Variants in TMEM108 observed in about 807,000 individuals in gnomAD.
TMEM108 encodes the protein transmembrane protein 108.
In TMEM108, 12 loss-of-function variants were observed where a neutral mutation model predicts 35.1. The observed-to-expected ratio is 0.34, with a 90% confidence interval of 0.22 to 0.55. TMEM108 has a LOEUF of 0.55. Among genes scored for constraint, TMEM108 ranks in the 20% least tolerant of loss-of-function variants. The pLI, the probability that TMEM108 is intolerant of heterozygous loss-of-function variation, is 0.89. For missense variants in TMEM108, 680 were observed against 753.3 expected (o/e 0.90, Z 1.14); for synonymous variants, 287 against 308.6 (o/e 0.93, Z 0.73).
chr3:133,386,389 C>T (rs2073150141), intron 4 of TMEM108: 1 of 1,535,884 alleles, frequency 6.5e-7, no homozygotes, highest in Non-Finnish European at 8.7e-7. Context: ...CCTCAGGGGA[C>T]CTGCAGGGTT....
chr3:133,121,479 A>G (rs1374806274), intron 2 of TMEM108, among the ~76,000 whole-genome samples: 2 of 152,214 alleles, frequency 1.3e-5, no homozygotes, highest in African/African-American at 4.8e-5. Context: ...TGCTATAGCT[A>G]AAAGGGAAAA....
At chr3:133,366,903 A>G (rs1022940077) in intron 3 of TMEM108, among the ~76,000 whole-genome samples, 3 of 152,228 alleles carry the variant, frequency 2.0e-5, no homozygotes, top group African/African-American at 7.2e-5. Context: ...GCAGCCAGCA[A>G]ATGAGACATC....
intron 4 of TMEM108, chr3:133,389,541 A>G: frequency 3.5e-6 from 1 of 281,884 alleles, no homozygotes; most frequent in Non-Finnish European, 5.4e-6. Flanking sequence ...AAAATTAGCC[A>G]GACATGGTGG....
chr3:133,230,455 T>A (rs80286353), intron 3 of TMEM108, among the ~76,000 whole-genome samples: 4,416 of 152,308 alleles, frequency 0.029, 195 homozygotes, highest in African/African-American at 0.095. Flanking sequence ...TCCTTTTCCA[T>A]GTGTTCTATG....
At position 133,380,011 on chromosome 3, in the gene TMEM108, C is replaced by A; in HGVS notation, c.300C>A (p.Ile100=). The A allele has an allele frequency of 6.2e-7, 1 of 1,614,008 alleles. No homozygotes were observed. Among genetic ancestry groups the A allele is most frequent in the Non-Finnish European group, 8.5e-7 (1 of 1,179,990 alleles). The part of the protein sequence containing the change: ...GHPPTHTIST[I]AATVTAPHSE... The stretch of plus-strand genomic sequence containing the variant: ...CTCCTACGCACACCATCTCCACCAT[C>A]GCTGCGACAGTAACCGCCCCCCATT... Residue 100 remains isoleucine (I), a synonymous_variant, in exon 4 of 6, where the codon ATC becomes ATA. Coordinates refer to ENST00000321871, the MANE Select transcript of TMEM108 (RefSeq NM_023943.4). This position sits in a 1 kb window ranked among gnomAD's most constrained non-coding sequence, Gnocchi z 5.3.
intron 3 of TMEM108, among the ~76,000 whole-genome samples, chr3:133,348,252 T>G (rs2071882003): frequency 6.6e-6 from 1 of 152,136 alleles, no homozygotes; most frequent in African/African-American, 2.4e-5. Context: ...ATAACAGTTT[T>G]ATTATATTTT....
intron 2 of TMEM108, among the ~76,000 whole-genome samples, chr3:133,171,884 A>G (rs779530767): frequency 3.3e-5 from 5 of 152,222 alleles, no homozygotes; most frequent in Non-Finnish European, 7.3e-5. Context: ...TAGAGAATCA[A>G]GAAGTACCAG....
intron 2 of TMEM108, among the ~76,000 whole-genome samples, chr3:133,201,396 C>T (rs1442136851): frequency 6.6e-6 from 1 of 152,084 alleles, no homozygotes; most frequent in African/African-American, 2.4e-5. Flanking sequence ...TTGCTGCACC[C>T]ATCAACCCAT....
chr3:133,112,657 A>T (rs1173180617), intron 2 of TMEM108, among the ~76,000 whole-genome samples: 2 of 152,174 alleles, frequency 1.3e-5, no homozygotes, highest in African/African-American at 2.4e-5. Flanking sequence ...GGGCCTATAA[A>T]AATTAGAGTT....
intron 2 of TMEM108, among the ~76,000 whole-genome samples, chr3:133,175,827 A>G (rs779440184): frequency 5.9e-5 from 9 of 152,232 alleles, no homozygotes; most frequent in Non-Finnish European, 1.2e-4. Flanking sequence ...AACAAAATTA[A>G]CCTTAAATGT....
At chr3:133,204,149 CT>C (rs1945715134) in intron 2 of TMEM108, among the ~76,000 whole-genome samples, 1 of 151,798 alleles carries the variant, frequency 6.6e-6, no homozygotes, top group Admixed American at 6.6e-5. Flanking sequence ...CTGATCCTCT[CT>C]ATCATTTTTT....
intron 2 of TMEM108, among the ~76,000 whole-genome samples, chr3:133,196,532 T>G (rs981914181): frequency 2.0e-5 from 3 of 152,236 alleles, no homozygotes; most frequent in African/African-American, 7.2e-5. Context: ...TGTTTATACC[T>G]CTTTTGATGT....
At chr3:133,300,980 AC>A (rs1947215533) in intron 3 of TMEM108, among the ~76,000 whole-genome samples, 1 of 384 alleles carries the variant, frequency 2.6e-3, no homozygotes, top group Non-Finnish European at 0.017. Flanking sequence ...CCCAGTACAC[AC>A]ACACACACAC....
intron 2 of TMEM108, among the ~76,000 whole-genome samples, chr3:133,194,920 G>C (rs2107819063): frequency 6.6e-6 from 1 of 152,210 alleles, no homozygotes; most frequent in East Asian, 1.9e-4. Context: ...ACTAACACTT[G>C]ACATGTGTGT....
At chr3:133,134,672 A>C (rs1300881730) in intron 2 of TMEM108, among the ~76,000 whole-genome samples, 1 of 152,084 alleles carries the variant, frequency 6.6e-6, no homozygotes, top group African/African-American at 2.4e-5. Context: ...TTTTGGCTAC[A>C]TGGATGAGCT....
At chr3:133,260,552 C>G (rs564803762) in intron 3 of TMEM108, among the ~76,000 whole-genome samples, 1 of 152,098 alleles carries the variant, frequency 6.6e-6, no homozygotes, top group Admixed American at 6.5e-5. Flanking sequence ...CAATTGTGGT[C>G]AGAGCATAGT....
rs373634235 is a variant in TMEM108 at position 133,379,761 on chromosome 3, T to C, written c.50T>C (p.Leu17Pro). The change falls in exon 4 of 6, where the codon CTG becomes CCG. Residue 17 changes from leucine to proline, a missense_variant. By Grantham distance (98) the Leu-to-Pro change is moderately conservative. This residue lies in a region of TMEM108 where 49 missense variants were observed against 70.6 expected (regional missense o/e 0.69). Coordinates refer to ENST00000321871, the MANE Select transcript of TMEM108 (RefSeq NM_023943.4). ...CTGTCTCCTTTTCAAGGTTTCCTGC[T>C]GATCTTGGCACTGACCGAAGCGCTG... ...ALYCQLLSFL[L>P]ILALTEALAF... 2.0e-5 allele frequency: 32 copies of C among 1,612,818 alleles called. No homozygotes were observed. The highest frequency in any genetic ancestry group is 2.7e-5 in the Non-Finnish European group (32 of 1,179,340).
rs112792508 is a variant in TMEM108 at position 133,315,584 on chromosome 3, G to A, written c.41-64168G>A. ...GGGGACACTAACAACACAATCTCCA[G>A]TGCTTCTGCCTCTTCCAGGCTCACA... On this transcript the variant is annotated intron_variant, in intron 3 of 5. Transcript: ENST00000321871. Among the ~76,000 whole-genome samples the A allele has an allele frequency of 2.3e-3, 354 of 152,330 alleles. 2 individuals are homozygous for A. The highest frequency in any genetic ancestry group is 8.0e-3 in the African/African-American group (332 of 41,572).
intron 5 of TMEM108, among the ~76,000 whole-genome samples, chr3:133,392,109 GC>G (rs1299322250): frequency 6.7e-6 from 1 of 149,322 alleles, no homozygotes; most frequent in Non-Finnish European, 1.5e-5. Flanking sequence ...TCACTGGAGC[GC>G]CCCATCTCGG....
Sources: allele counts gnomAD v4.1 joint callset (sites outside exome capture counted in the v4.1 genomes callset), GRCh38; gene constraint gnomAD v4.1.1; regional missense constraint gnomAD v4.1.1; non-coding constraint Gnocchi (gnomAD v3.1); transcripts MANE v1.5; gene names NCBI Gene and HGNC (gene_info 2026-07-23, HGNC 2026-07-21).